Variants in TTN observed in about 807,000 individuals in gnomAD.
TTN encodes the protein connectin.
A neutral mutation model predicts 3,223.0 loss-of-function variants in TTN; 1,525 were observed. The ratio of observed to expected loss-of-function variants is 0.47; its 90% CI spans 0.45 to 0.49. The LOEUF is 0.49. Ranked by LOEUF, TTN falls within the 20% of genes least tolerant of loss-of-function variation. The probability of loss-of-function intolerance (pLI) is 0.00; values close to 1 mark genes in which losing one functional copy is unlikely to be tolerated. For synonymous variants in TTN, 14,094 were observed against 15,161.0 expected (o/e 0.93, Z 5.17); for missense variants, 40,786 against 43,424.0 (o/e 0.94, Z 5.40).
Position 178,576,500 on chromosome 2 carries a change from G to T in TTN, c.69715+29C>A. 1 of 1,607,852 alleles carries T rather than the reference G, an allele frequency of 6.2e-7. No individual in the cohort carries two copies. Among genetic ancestry groups the T allele is most frequent in the Non-Finnish European group, 8.5e-7 (1 of 1,178,300 alleles). On this transcript the variant is annotated intron_variant, in intron 325 of 362. Transcript: ENST00000589042. The surrounding 1 kb of genome is among the most constrained non-coding windows in gnomAD (Gnocchi z 4.3). Reference sequence around the variant, plus strand: ...AGATAAAATATTGGCACTCTGGAATGAACGGTGTTGAAAAAGACAAATACT... The same window carrying T: ...AGATAAAATATTGGCACTCTGGAATTAACGGTGTTGAAAAAGACAAATACT...
At chr2:178,612,014 A>C in intron 267 of TTN, 43 bp downstream of exon 267, 1 of 1,602,712 alleles carries the variant, frequency 6.2e-7, no homozygotes, top group Non-Finnish European at 8.5e-7. Flanking sequence ...AAGAATTTGC[A>C]GCCAAGTGTA....
intron 47 of TTN, chr2:178,747,436 A>G: frequency 6.2e-7 from 1 of 1,613,400 alleles, no homozygotes; most frequent in Non-Finnish European, 8.5e-7. Context: ...ATGGTGGGGT[A>G]TAAAACTGAT....
chr2:178,618,117 G>T (rs369399843), intron 252 of TTN, 36 bp from the exon 253 acceptor site: 4 of 1,610,372 alleles, frequency 2.5e-6, no homozygotes, highest in Admixed American at 1.7e-5. Flanking sequence ...ATATGAGTTT[G>T]GGGTAACGAT....
chr2:178,589,656 C>A lies in TTN; in HGVS notation c.62069G>T (p.Arg20690Leu). 6.2e-7 allele frequency: 1 copy of A among 1,613,448 alleles called. No individual in the cohort carries two copies. Among genetic ancestry groups the A allele is most frequent in the Non-Finnish European group, 8.5e-7 (1 of 1,179,602 alleles). ...ACTGCCACCATCATAGTCAGGCCTC[C>A]GCCACTTTAGATAGACAAATGTCTT... Reference protein sequence around the residue: ...KGKTFVYLKWRRPDYDGGSPN... With the variant: ...KGKTFVYLKWLRPDYDGGSPN... The change falls in exon 304 of 363, where the codon CGG becomes CTG. Residue 20690 changes from arginine (R) to leucine (L), a missense_variant. Coordinates refer to ENST00000589042, the MANE Select transcript of TTN (RefSeq NM_001267550.2).
chr2:178,757,946 C>G, intron 44 of TTN, 30 bp from the exon 45 acceptor site: 1 of 1,513,380 alleles, frequency 6.6e-7, no homozygotes, highest in Non-Finnish European at 8.8e-7. Context: ...TTTTTAATGT[C>G]TTACCTTGCA....
intron 67 of TTN, 43 bp downstream of exon 67, chr2:178,728,067 G>T: frequency 2.0e-6 from 3 of 1,505,464 alleles, no homozygotes; most frequent in Non-Finnish European, 2.7e-6. Flanking sequence ...CATTTAAGAA[G>T]CATTCGCAAG....
At position 178,561,564 on chromosome 2, in the gene TTN, G is replaced by A. The variant is rs770757137; in HGVS notation, c.84568C>T (p.His28190Tyr). 6.2e-7 allele frequency: 1 copy of A among 1,613,288 alleles called. No individual in the cohort carries two copies. The change falls in exon 326 of 363, where the codon CAT becomes TAT. Residue 28190 changes from histidine (H) to tyrosine (Y), a missense_variant. Coordinates refer to ENST00000589042, the MANE Select transcript of TTN (RefSeq NM_001267550.2). ...NDGGSRVIGY[H>Y]LEYKERSSIL... ...CTGCTTCTTTCTTTATACTCAAGAT[G>A]ATAGCCAATTACTCGACTTCCTCCA...
chr2:178,586,986 A>G, intron 307 of TTN, 132 bp downstream of exon 307: 1 of 1,375,002 alleles, frequency 7.3e-7, no homozygotes, highest in South Asian at 1.3e-5. Flanking sequence ...TGAGTGAGAT[A>G]GATATTTATT....
chr2:178,533,783 C>G lies in TTN; in HGVS notation c.102832G>C (p.Gly34278Arg). The G allele has an allele frequency of 6.2e-7, 1 of 1,613,970 alleles. No homozygotes were observed. The highest frequency in any genetic ancestry group is 1.1e-5 in the South Asian group (1 of 91,082). Residue 34278 changes from glycine to arginine, a missense_variant, in exon 358 of 363, where the codon GGA (glycine) becomes CGA (arginine). Transcript: ENST00000589042. Reference protein sequence around the residue: ...TAYVGENVRFGVTITVHPEPH... With the variant: ...TAYVGENVRFRVTITVHPEPH... Reference sequence around the variant, plus strand: ...TCTGGGTGGACAGTTATAGTTACTCCAAACCGGACATTTTCACCTACATAA... The same window carrying G: ...TCTGGGTGGACAGTTATAGTTACTCGAAACCGGACATTTTCACCTACATAA...
rs766143106 is a variant in TTN at position 178,595,657 on chromosome 2, G to T, written c.57697C>A (p.Pro19233Thr). 6.2e-7 allele frequency: 1 copy of T among 1,607,992 alleles called. No homozygotes were observed. Among genetic ancestry groups the T allele is most frequent in the East Asian group, 2.3e-5 (1 of 44,398 alleles). ...TGTCGGGTAACTGTATATGTCACTG[G>T]GGTCCATGCTCTGCGGTCAGATTCA... Reference protein sequence around the residue: ...KRESDRRAWTPVTYTVTRQNA... With the variant: ...KRESDRRAWTTVTYTVTRQNA... The change falls in exon 295 of 363, where the codon CCA (proline) becomes ACA (threonine). Residue 19233 changes from proline (P) to threonine (T), a missense_variant. Pro to Thr is a conservative substitution (Grantham distance 38, BLOSUM62 -1). Coordinates refer to ENST00000589042, the MANE Select transcript of TTN (RefSeq NM_001267550.2).
At position 178,534,008 on chromosome 2, in the gene TTN, C is replaced by T. The variant is rs1189437049; in HGVS notation, c.102607G>A (p.Asp34203Asn). Residue 34203 changes from aspartate to asparagine, a missense_variant, in exon 358 of 363, where the codon GAT (aspartate) becomes AAT (asparagine). Transcript: ENST00000589042. ...ACTTTGCATCTGTAGGTACCATCAT[C>T]TAATTTGGTAATGTCTTTGACATAG... is the stretch of plus-strand genomic sequence containing the variant. ...ILYVKDITKL[D>N]DGTYRCKVVN... 3.1e-6 allele frequency: 5 copies of T among 1,613,832 alleles called. No individual in the cohort carries two copies. Among genetic ancestry groups the T allele is most frequent in the Non-Finnish European group, 4.2e-6 (5 of 1,179,876 alleles).
chr2:178,591,661 T>C lies in TTN; in HGVS notation c.60158A>G (p.Glu20053Gly). 1 of 1,613,504 alleles carries C rather than the reference T, an allele frequency of 6.2e-7. No homozygotes were observed. Among genetic ancestry groups the C allele is most frequent in the Non-Finnish European group, 8.5e-7 (1 of 1,179,584 alleles). ...GKTYRFRVKA[E>G]NIVGLGLPDT... Reference sequence around the variant, plus strand: ...AGGGAGACCAAGACCCACAATGTTTTCAGCTTTTACACGGAATCTATAGGT... The same window carrying C: ...AGGGAGACCAAGACCCACAATGTTTCCAGCTTTTACACGGAATCTATAGGT... The change falls in exon 303 of 363, where the codon GAA (glutamate) becomes GGA (glycine). Residue 20053 changes from glutamate (E) to glycine (G), a missense_variant. By Grantham distance (98) the Glu-to-Gly change is moderately conservative. Coordinates refer to ENST00000589042, the MANE Select transcript of TTN (RefSeq NM_001267550.2).
intron 47 of TTN, chr2:178,752,057 A>C (rs578006573): frequency 3.0e-5 from 45 of 1,482,048 alleles, no homozygotes; most frequent in Non-Finnish European, 4.1e-5. Context: ...AAAAAAAAAA[A>C]ACCTTTACTA....
intron 17 of TTN, 146 bp downstream of exon 17, chr2:178,783,574 A>C: frequency 1.4e-6 from 1 of 719,536 alleles, no homozygotes; most frequent in East Asian, 2.8e-5. Flanking sequence ...ATGGTCTTCC[A>C]GACCAAATAC....
Position 178,664,859 on chromosome 2 carries a change from T to C in TTN, c.36111A>G (p.Ser12037=), listed in dbSNP as rs771713958. ...TVPSKKREPP[S]VKVPEALQEI... Reference sequence around the variant, plus strand: ...GAGCATGGTGACTTGTACCTTTAACTGATGGGGGTTCTCTTTTTTTGGAAG... The same window carrying C: ...GAGCATGGTGACTTGTACCTTTAACCGATGGGGGTTCTCTTTTTTTGGAAG... Residue 12037 remains serine, a synonymous_variant, in exon 166 of 363, where the codon TCA becomes TCG. Coordinates refer to ENST00000589042, the MANE Select transcript of TTN (RefSeq NM_001267550.2). 6.2e-7 allele frequency: 1 copy of C among 1,611,506 alleles called. No individual in the cohort carries two copies. Among genetic ancestry groups the C allele is most frequent in the African/African-American group, 1.3e-5 (1 of 74,916 alleles).
chr2:178,704,450 C>T, intron 105 of TTN, 43 bp from the exon 106 acceptor site: 1 of 1,601,132 alleles, frequency 6.2e-7, no homozygotes, highest in Non-Finnish European at 8.5e-7. Flanking sequence ...ATATCACACG[C>T]AGATGTGCTC....
chr2:178,704,136 G>C lies in TTN; in HGVS notation c.30223+11C>G. 6.2e-7 allele frequency: 1 copy of C among 1,612,898 alleles called. No individual in the cohort carries two copies. The highest frequency in any genetic ancestry group is 8.5e-7 in the Non-Finnish European group (1 of 1,179,640). ...GCTGTACCCACAAGGACTCCATAGT[G>C]TTTCACGCACCTTCGATTCTGAGTT... On this transcript the variant is annotated intron_variant, in intron 106 of 362. Coordinates refer to ENST00000589042, the MANE Select transcript of TTN (RefSeq NM_001267550.2).
chr2:178,661,021 AAC>A (rs1432876643), intron 180 of TTN, among the ~76,000 whole-genome samples: 1 of 89,040 alleles, frequency 1.1e-5, no homozygotes, highest in Non-Finnish European at 2.3e-5. Context: ...AAAGTCAGGA[AAC>A]GACAGGCGCT....
At position 178,586,496 on chromosome 2, in the gene TTN, A is replaced by G. The variant is rs1443266142; in HGVS notation, c.64396+9T>C. ...ACCACATGACATAAATGAAGCAAAG[A>G]CTACTTACACAGTTGTTCTTTGGCT... On this transcript the variant is annotated intron_variant, in intron 308 of 362. Transcript: ENST00000589042. The G allele has an allele frequency of 1.2e-6, 2 of 1,611,022 alleles. 1 individual carries two copies. The highest frequency in any genetic ancestry group is 2.2e-5 in the South Asian group (2 of 90,398).
Sources: allele counts gnomAD v4.1 joint callset (sites outside exome capture counted in the v4.1 genomes callset), GRCh38; gene constraint gnomAD v4.1.1; non-coding constraint Gnocchi (gnomAD v3.1); transcripts MANE v1.5; gene names NCBI Gene and HGNC (gene_info 2026-07-23, HGNC 2026-07-21).